PLEKHH2: variants seen among roughly 807,000 people sequenced by gnomAD.
PLEKHH2 encodes pleckstrin homology, MyTH4 and FERM domain containing H2.
In PLEKHH2, 129 loss-of-function variants were observed where a neutral mutation model predicts 187.9. The observed-to-expected ratio is 0.69, with a 90% CI of 0.59 to 0.79. The LOEUF is 0.79. PLEKHH2 is among the 30% of genes least tolerant of loss of function. PLEKHH2 has a pLI of 0.00. For synonymous variants in PLEKHH2, 686 were observed against 605.6 expected (o/e 1.13, Z -1.95); for missense variants, 2,076 against 1,751.2 (o/e 1.19, Z -3.31).
chr2:43,765,774 G>T lies in PLEKHH2; in HGVS notation c.*176G>T, dbSNP rs1212195329. ...TTAAATATTCAAATAAATATTAACA[G>T]TAAAACATAAACACAAAATTTGCCA... On this transcript the variant is annotated 3_prime_UTR_variant, in exon 30 of 30. Coordinates refer to ENST00000282406, the MANE Select transcript of PLEKHH2 (RefSeq NM_172069.4). 1.8e-6 allele frequency: 1 copy of T among 567,034 alleles called. No homozygotes were observed. The highest frequency in any genetic ancestry group is 2.8e-6 in the Non-Finnish European group (1 of 358,598). 35.1% of individuals were successfully genotyped at this position (567,034 alleles called of 1,614,324 possible).
At chr2:43,677,873 G>C (rs551922793) in intron 2 of PLEKHH2, among the ~76,000 whole-genome samples, 19 of 146,638 alleles carry the variant, frequency 1.3e-4, no homozygotes, top group East Asian at 1.0e-3. Flanking sequence ...CTGGCCGGGC[G>C]GGGGGCTGAT....
At chr2:43,641,523 C>G (rs1443280354) in intron 1 of PLEKHH2, among the ~76,000 whole-genome samples, 1 of 151,786 alleles carries the variant, frequency 6.6e-6, no homozygotes, top group Non-Finnish European at 1.5e-5. Flanking sequence ...AGCTCATCAG[C>G]TACCTTTAGT....
At chr2:43,727,122 CA>C in intron 17 of PLEKHH2, among the ~76,000 whole-genome samples, 1 of 152,008 alleles carries the variant, frequency 6.6e-6, no homozygotes, top group African/African-American at 2.4e-5. Context: ...TCTAAGAAAA[CA>C]AAAGGGCGGG....
chr2:43,643,021 C>T (rs1051210912), intron 1 of PLEKHH2, among the ~76,000 whole-genome samples: 1 of 152,136 alleles, frequency 6.6e-6, no homozygotes, highest in Middle Eastern at 3.4e-3. Context: ...GTATTGCATC[C>T]ATATTTTCTT....
At chr2:43,647,039 A>T (rs1666217355) in intron 2 of PLEKHH2, among the ~76,000 whole-genome samples, 2 of 151,936 alleles carry the variant, frequency 1.3e-5, no homozygotes, top group South Asian at 4.1e-4. Context: ...CAGGTTTAAA[A>T]ATTTCTTTTG....
At chr2:43,655,802 C>A in intron 2 of PLEKHH2, among the ~76,000 whole-genome samples, 1 of 152,160 alleles carries the variant, frequency 6.6e-6, no homozygotes, top group East Asian at 1.9e-4. Flanking sequence ...GCTCCTTGAG[C>A]TTTGCAACAG....
At chr2:43,666,346 C>T (rs1313650476) in intron 2 of PLEKHH2, among the ~76,000 whole-genome samples, 1 of 151,286 alleles carries the variant, frequency 6.6e-6, no homozygotes, top group Non-Finnish European at 1.5e-5. Flanking sequence ...GCACGGTGCG[C>T]ACACCCACTG....
At chr2:43,678,805 A>G (rs1438701696) in intron 2 of PLEKHH2, 58 bp from the exon 3 acceptor site, 24 of 1,353,942 alleles carry the variant, frequency 1.8e-5, no homozygotes, top group Non-Finnish European at 2.4e-5. Context: ...AGCCTTTTTC[A>G]GAAAGGCTCA....
intron 3 of PLEKHH2, chr2:43,679,596 A>G: frequency 6.8e-6 from 2 of 292,838 alleles, no homozygotes; most frequent in South Asian, 2.8e-5. Flanking sequence ...CCCGGGTTCA[A>G]GTGATTCTCC....
intron 3 of PLEKHH2, among the ~76,000 whole-genome samples, chr2:43,685,643 C>T (rs1331577972): frequency 4.1e-5 from 6 of 147,440 alleles, no homozygotes; most frequent in Non-Finnish European, 8.9e-5. Context: ...TGTCTCACCA[C>T]ATTACCCAGA....
rs1669285682 is a variant in PLEKHH2, at chr2:43,700,118, A to G, written c.1160A>G (p.Asn387Ser). Residue 387 changes from asparagine (N) to serine (S), a missense_variant, in exon 8 of 30, where the codon AAT (asparagine) becomes AGT (serine). Transcript: ENST00000282406. ...KEQDSSSDEL[N>S]KKFQSQRLDY... Reference sequence around the variant, plus strand: ...CAAGATAGTTCCTCGGATGAACTGAATAAAAAATTTCAATCCCAGAGACTC... The same window carrying G: ...CAAGATAGTTCCTCGGATGAACTGAGTAAAAAATTTCAATCCCAGAGACTC... The G allele has an allele frequency of 1.2e-6, 2 of 1,614,068 alleles. No individual in the cohort carries two copies. Among genetic ancestry groups the G allele is most frequent in the African/African-American group, 1.3e-5 (1 of 74,926 alleles).
intron 20 of PLEKHH2, 139 bp downstream of exon 20, chr2:43,738,659 C>T (rs751376582): frequency 2.5e-6 from 2 of 807,916 alleles, no homozygotes; most frequent in Non-Finnish European, 3.7e-6. Flanking sequence ...ATTTTGATGT[C>T]TACCTTTTTG....
At chr2:43,659,973 C>G (rs1666986168) in intron 2 of PLEKHH2, among the ~76,000 whole-genome samples, 1 of 152,156 alleles carries the variant, frequency 6.6e-6, no homozygotes, top group Admixed American at 6.5e-5. Context: ...GATTCCGTAA[C>G]CACTACCACA....
At chr2:43,726,595 C>T in intron 17 of PLEKHH2, 144 bp downstream of exon 17, 1 of 716,378 alleles carries the variant, frequency 1.4e-6, no homozygotes, top group Non-Finnish European at 2.2e-6. Context: ...GATTCTTTAC[C>T]TCCCTGGAAA....
chr2:43,694,875 T>C (rs1228330106), intron 5 of PLEKHH2, among the ~76,000 whole-genome samples: 2 of 152,128 alleles, frequency 1.3e-5, no homozygotes, highest in Non-Finnish European at 2.9e-5. Context: ...TGAAATCGTT[T>C]CCTTTAAAAT....
At position 43,697,358 on chromosome 2, in the gene PLEKHH2, T is replaced by C. The variant is rs1669143564; in HGVS notation, c.688+2T>C. On this transcript the variant is annotated splice_donor_variant, in intron 7 of 29. Coordinates refer to ENST00000282406, the MANE Select transcript of PLEKHH2 (RefSeq NM_172069.4). LOFTEE classifies it high-confidence loss of function. ...TCACTGAAGGAAAAGACATGGAAGGTATTTATGAACTACAGGAATTGACTT... is the reference window on the plus strand; with the variant it reads ...TCACTGAAGGAAAAGACATGGAAGGCATTTATGAACTACAGGAATTGACTT... 1 of 1,603,186 alleles carries C rather than the reference T, an allele frequency of 6.2e-7. No homozygotes were observed. The highest frequency in any genetic ancestry group is 1.7e-5 in the Admixed American group (1 of 58,492).
intron 20 of PLEKHH2, 185 bp from the exon 21 acceptor site, chr2:43,740,761 A>C (rs1312767931): frequency 9.1e-6 from 10 of 1,104,602 alleles, no homozygotes; most frequent in Non-Finnish European, 1.0e-5. Context: ...TGGATCATAG[A>C]TCTGACCCAA....
chr2:43,643,581 G>A (rs1420794214), intron 1 of PLEKHH2, among the ~76,000 whole-genome samples: 1 of 152,044 alleles, frequency 6.6e-6, no homozygotes, highest in Non-Finnish European at 1.5e-5. Flanking sequence ...GAAAATCAAT[G>A]TGGTTATATT....
At position 43,677,809 on chromosome 2, in the gene PLEKHH2, C is replaced by T. The variant is rs540910898; in HGVS notation, c.124-1054C>T. Among the ~76,000 whole-genome samples, 368 of 147,986 alleles carry T rather than the reference C, an allele frequency of 2.5e-3. 6 individuals carry two copies. Among genetic ancestry groups the T allele is most frequent in the African/African-American group, 8.8e-3 (351 of 39,936 alleles). On this transcript the variant is annotated intron_variant, in intron 2 of 29. Transcript: ENST00000282406. ...GGCGCCCCTCACCTCCCGCACCGGGCAGCTGGCTGGGCGGGGGGCTGACCC... is the reference window on the plus strand; with the variant it reads ...GGCGCCCCTCACCTCCCGCACCGGGTAGCTGGCTGGGCGGGGGGCTGACCC...
Sources: allele counts gnomAD v4.1 joint callset (sites outside exome capture counted in the v4.1 genomes callset), GRCh38; gene constraint gnomAD v4.1.1; transcripts MANE v1.5; gene names NCBI Gene and HGNC (gene_info 2026-07-23, HGNC 2026-07-21).